The following BLTP1 variants were observed in gnomAD, a reference collection of about 807,000 sequenced individuals.
BLTP1 encodes the protein fragile site-associated protein.
the BLTP1 span, chr4:122,196,512 A>C: frequency 1.4e-6 from 1 of 720,600 alleles, no homozygotes; most frequent in Non-Finnish European, 2.2e-6. Context: ...ACTACAGAAA[A>C]CAGTCTAATT....
the BLTP1 span, among the ~76,000 whole-genome samples, chr4:122,239,095 A>G: frequency 2.6e-5 from 4 of 152,168 alleles, no homozygotes; most frequent in African/African-American, 7.2e-5. Flanking sequence ...AGTAAATGGC[A>G]CTACTACATC....
chr4:122,180,009 CAT>C, the BLTP1 span: 1 of 978,668 alleles, frequency 1.0e-6, no homozygotes. Flanking sequence ...ATCCATCTCT[CAT>C]ATACACGTGC....
chr4:122,226,253 C>A, the BLTP1 span: 2 of 234,820 alleles, frequency 8.5e-6, no homozygotes, highest in Non-Finnish European at 1.4e-5. Flanking sequence ...TTTACATAAA[C>A]AAAAGTGCTT....
chr4:122,328,480 A>G, the BLTP1 span: 4 of 821,312 alleles, frequency 4.9e-6, no homozygotes, highest in Non-Finnish European at 7.0e-6. Context: ...GAGTGAGACT[A>G]ACAGACTCAT....
the BLTP1 span, chr4:122,334,157 C>T: frequency 1.5e-5 from 3 of 202,728 alleles, no homozygotes; most frequent in Non-Finnish European, 2.6e-5. Context: ...TAAAGATTAT[C>T]TGAAATGACC....
the BLTP1 span, chr4:122,328,207 A>G: frequency 1.2e-6 from 2 of 1,611,464 alleles, no homozygotes; most frequent in Non-Finnish European, 1.7e-6. Context: ...AGTTCTCCCA[A>G]AACTCCAGGA....
chr4:122,311,559 G>T, the BLTP1 span, among the ~76,000 whole-genome samples: 4 of 152,092 alleles, frequency 2.6e-5, no homozygotes, highest in African/African-American at 9.6e-5. Flanking sequence ...TTATGCCTTA[G>T]AATTTTTTTA....
chr4:122,197,309 T>C, the BLTP1 span: 1 of 1,310,598 alleles, frequency 7.6e-7, no homozygotes, highest in Non-Finnish European at 1.0e-6. Flanking sequence ...TTTTAAATAA[T>C]TAGGGAAATA....
chr4:122,170,959 G>C, the BLTP1 span, among the ~76,000 whole-genome samples: 1 of 152,086 alleles, frequency 6.6e-6, no homozygotes, highest in African/African-American at 2.4e-5. Flanking sequence ...ATCTGACTTA[G>C]GGGAAGTGGA....
chr4:122,279,749 T>C, the BLTP1 span: 3,252 of 1,601,880 alleles, frequency 2.0e-3, 57 homozygotes, highest in African/African-American at 0.034. Context: ...GGCTGTATTT[T>C]AATAGTCTTC....
chr4:122,329,796 C>T, the BLTP1 span, among the ~76,000 whole-genome samples: 146,292 of 151,790 alleles, frequency 0.96, 70,744 homozygotes, highest in South Asian at 1. Flanking sequence ...TGCCATACAA[C>T]AGTGTTATCT....
the BLTP1 span, chr4:122,238,004 A>G: frequency 5.0e-6 from 6 of 1,193,754 alleles, no homozygotes; most frequent in Non-Finnish European, 5.6e-6. Context: ...AAAAAAAATT[A>G]TACTTAAAAA....
the BLTP1 span, chr4:122,290,846 CACATA>C: frequency 7.4e-6 from 1 of 135,470 alleles, no homozygotes; most frequent in African/African-American, 2.9e-5. Context: ...CACACACACA[CACATA>C]ATATTATATA....
At chr4:122,350,073 A>G in the BLTP1 span, 1 of 1,613,008 alleles carries the variant, frequency 6.2e-7, no homozygotes, top group South Asian at 1.1e-5. Flanking sequence ...CACAAGAACA[A>G]TGTAAGAATT....
the BLTP1 span, chr4:122,244,952 T>A: frequency 6.4e-7 from 1 of 1,552,440 alleles, no homozygotes; most frequent in Non-Finnish European, 8.8e-7. Flanking sequence ...TTTCATGATA[T>A]GTTTACATAA....
At chr4:122,229,914 T>C in the BLTP1 span, 2 of 1,599,214 alleles carry the variant, frequency 1.3e-6, no homozygotes, top group Non-Finnish European at 1.7e-6. Context: ...TGTTTCATTT[T>C]CTTCATTCAA....
the BLTP1 span, chr4:122,362,063 C>A: frequency 6.2e-7 from 1 of 1,610,868 alleles, no homozygotes; most frequent in South Asian, 1.1e-5. Context: ...AAGATTGATC[C>A]AGTAGGTGTT....
At chr4:122,163,833 G>T in the BLTP1 span, among the ~76,000 whole-genome samples, 1 of 152,138 alleles carries the variant, frequency 6.6e-6, no homozygotes, top group South Asian at 2.1e-4. Context: ...ATCTGCTTCT[G>T]GAACAATATA....
chr4:122,276,410 C>T, the BLTP1 span: 1 of 962,728 alleles, frequency 1.0e-6, no homozygotes, highest in Non-Finnish European at 1.2e-6. Context: ...AAAACACTAA[C>T]AAAACATCTG....
Sources: allele counts gnomAD v4.1 joint callset (sites outside exome capture counted in the v4.1 genomes callset), GRCh38; gene constraint gnomAD v4.1.1; transcripts MANE v1.5; gene names NCBI Gene and HGNC (gene_info 2026-07-23, HGNC 2026-07-21).